Variants in CNTN5 observed in about 807,000 individuals in gnomAD.
CNTN5 encodes the protein contactin-5.
In CNTN5, 77 loss-of-function variants were observed where a neutral mutation model predicts 129.1. The observed-to-expected ratio is 0.60, with a 90% CI of 0.50 to 0.72. The LOEUF is 0.72. Ranked by LOEUF, CNTN5 falls within the 30% of genes least tolerant of loss-of-function variation. CNTN5 has a pLI of 0.00. For synonymous variants in CNTN5, 509 were observed against 465.6 expected, an observed-to-expected ratio of 1.09 and a Z score of -1.20; for missense variants, 1,478 against 1,328.8, an observed-to-expected ratio of 1.11 and a Z score of -1.75.
intron 21 of CNTN5, among the ~76,000 whole-genome samples, chr11:100,319,155 T>G (rs1951632115): frequency 9.6e-6 from 1 of 104,046 alleles, no homozygotes; most frequent in African/African-American, 4.0e-5. Flanking sequence ...TTTCTTTTCT[T>G]TTTTTTTTTT....
chr11:99,752,260 C>T (rs985083769), intron 3 of CNTN5, among the ~76,000 whole-genome samples: 27 of 152,218 alleles, frequency 1.8e-4, no homozygotes, highest in East Asian at 9.7e-4. Context: ...TTGGAAGAGG[C>T]GAATTCATTT....
At chr11:99,518,086 T>A (rs2135430154) in intron 2 of CNTN5, among the ~76,000 whole-genome samples, 1 of 152,256 alleles carries the variant, frequency 6.6e-6, no homozygotes, top group South Asian at 2.1e-4. Context: ...TTTAGAGTTT[T>A]ATAATTAATA....
At chr11:100,036,076 T>A (rs1941981684) in intron 9 of CNTN5, among the ~76,000 whole-genome samples, 1 of 152,230 alleles carries the variant, frequency 6.6e-6, no homozygotes, top group Non-Finnish European at 1.5e-5. Flanking sequence ...GCCTAGGTTT[T>A]CTTCTAGGGT....
At chr11:99,902,938 G>A (rs1433678032) in intron 6 of CNTN5, among the ~76,000 whole-genome samples, 1 of 152,160 alleles carries the variant, frequency 6.6e-6, no homozygotes. Flanking sequence ...TGTAAGATAA[G>A]TTGAAAATTG....
chr11:99,233,717 G>A (rs1216133011), intron 1 of CNTN5, among the ~76,000 whole-genome samples: 1 of 152,174 alleles, frequency 6.6e-6, no homozygotes, highest in African/African-American at 2.4e-5. Flanking sequence ...GGAGGCCGAG[G>A]TGGGTGGATC....
In CNTN5 at chr11:99,556,136, C is replaced by T; in HGVS notation, c.-70-9C>T. 3.9e-6 allele frequency: 3 copies of T among 775,050 alleles called. No homozygotes were observed. The South Asian group carries it at 7.2e-5, about 19-fold the overall frequency. 48.0% of individuals were successfully genotyped at this position (775,050 alleles called of 1,614,324 possible). A position where few individuals can be genotyped will look rare whatever the true frequency, so the allele number is the denominator to read the frequency against. On this transcript the variant is annotated splice_polypyrimidine_tract_variant and intron_variant, in intron 2 of 24. Coordinates refer to ENST00000524871, the MANE Select transcript of CNTN5 (RefSeq NM_014361.4). ...TCTGTTTAAGAAAATTGTTATCTATCTCAAACAGGGCACTCTTTAATGAAG... is the reference window on the plus strand; with the variant it reads ...TCTGTTTAAGAAAATTGTTATCTATTTCAAACAGGGCACTCTTTAATGAAG...
intron 13 of CNTN5, among the ~76,000 whole-genome samples, chr11:100,123,640 A>G (rs1490605504): frequency 6.6e-6 from 1 of 152,094 alleles, no homozygotes; most frequent in African/African-American, 2.4e-5. Context: ...GAATCAAAAC[A>G]AATTCTGCAA....
intron 18 of CNTN5, among the ~76,000 whole-genome samples, chr11:100,283,667 C>A (rs746692161): frequency 2.0e-5 from 3 of 152,128 alleles, no homozygotes; most frequent in South Asian, 4.1e-4. Context: ...CCCTCCGGGC[C>A]GGGCGCTGTG....
intron 6 of CNTN5, among the ~76,000 whole-genome samples, chr11:99,878,403 T>G (rs1490589898): frequency 1.3e-5 from 2 of 152,216 alleles, no homozygotes; most frequent in Non-Finnish European, 2.9e-5. Context: ...AAATAGTTAT[T>G]GTACAACTTA....
intron 7 of CNTN5, among the ~76,000 whole-genome samples, chr11:99,949,402 C>A (rs773974120): frequency 6.6e-4 from 100 of 152,134 alleles, no homozygotes; most frequent in Non-Finnish European, 1.2e-3. Context: ...TTGATAAGCA[C>A]ATTAAGGTCA....
chr11:99,642,759 C>G (rs1224266209), intron 3 of CNTN5, among the ~76,000 whole-genome samples: 1 of 152,188 alleles, frequency 6.6e-6, no homozygotes, highest in African/African-American at 2.4e-5. Context: ...CTTCTCCCCT[C>G]TACCCTCTCA....
intron 1 of CNTN5, among the ~76,000 whole-genome samples, chr11:99,263,195 A>T (rs931298850): frequency 6.6e-6 from 1 of 152,028 alleles, no homozygotes; most frequent in African/African-American, 2.4e-5. Context: ...GCTCCTTTTC[A>T]TGTAAGGTGT....
At chr11:99,262,388 G>C (rs951395616) in intron 1 of CNTN5, among the ~76,000 whole-genome samples, 1 of 151,988 alleles carries the variant, frequency 6.6e-6, no homozygotes, top group Admixed American at 6.6e-5. Context: ...TAATTATTAT[G>C]ATAGTAATCA....
chr11:99,410,117 A>G (rs1473381032), intron 2 of CNTN5, among the ~76,000 whole-genome samples: 1 of 152,222 alleles, frequency 6.6e-6, no homozygotes, highest in African/African-American at 2.4e-5. Context: ...TTATCAAAAA[A>G]AGAATGATTA....
chr11:99,588,437 T>C (rs555515593), intron 3 of CNTN5, among the ~76,000 whole-genome samples: 131 of 151,810 alleles, frequency 8.6e-4, no homozygotes, highest in African/African-American at 2.9e-3. Flanking sequence ...CAATGTTCCA[T>C]GTTTGTGTCA....
intron 6 of CNTN5, among the ~76,000 whole-genome samples, chr11:99,886,672 G>T (rs1373049): frequency 0.33 from 50,652 of 152,038 alleles, 9,021 homozygotes; most frequent in African/African-American, 0.39. Context: ...AATGACGCTA[G>T]TGGGTATCAA....
chr11:99,059,885 A>G (rs1864803451), intron 1 of CNTN5, among the ~76,000 whole-genome samples: 1 of 152,074 alleles, frequency 6.6e-6, no homozygotes, highest in Non-Finnish European at 1.5e-5. Context: ...GCCACTTGTG[A>G]TTGTAATAAT....
chr11:100,255,699 A>C (rs552564658), intron 16 of CNTN5, 61 bp from the exon 17 acceptor site: 1 of 1,447,006 alleles, frequency 6.9e-7, no homozygotes, highest in African/African-American at 1.4e-5. Flanking sequence ...TGGAAATATA[A>C]TTTCTCATGG....
chr11:99,613,606 G>A (rs1209872532), intron 3 of CNTN5, among the ~76,000 whole-genome samples: 2 of 152,138 alleles, frequency 1.3e-5, no homozygotes, highest in African/African-American at 2.4e-5. Context: ...AAAAAGTACC[G>A]ATAATATGCA....
Sources: gnomAD v4.1 joint callset for allele counts (sites outside exome capture counted in the v4.1 genomes callset) on GRCh38, gnomAD v4.1.1 for gene constraint, MANE v1.5 for transcripts, NCBI Gene and HGNC (gene_info 2026-07-23, HGNC 2026-07-21) for gene names.